Variants in CUX1 observed in about 807,000 individuals in gnomAD.
The protein encoded by CUX1 is protein CASP.
A neutral mutation model predicts 158.8 loss-of-function variants in CUX1; 31 were observed. That is an observed-to-expected ratio of 0.20 (90% CI 0.15 to 0.26). The LOEUF (loss-of-function observed/expected upper bound fraction) is 0.26. Ranked by LOEUF, CUX1 falls within the 10% of genes least tolerant of loss-of-function variation. CUX1 has a pLI of 1.00. For missense variants in CUX1, 1,589 were observed against 2,014.6 expected (o/e 0.79, Z 4.04); for synonymous variants, 879 against 862.1 (o/e 1.02, Z -0.34).
chr7:101,882,963 T>G (rs1799869341), intron 1 of CUX1, among the ~76,000 whole-genome samples: 1 of 152,162 alleles, frequency 6.6e-6, no homozygotes, highest in African/African-American at 2.4e-5. Context: ...TTCTGCGTGT[T>G]CCAGAGAGCT....
At chr7:102,259,457 G>A (rs909279758), downstream of CUX1, among the ~76,000 whole-genome samples, 2 of 152,136 alleles carry the variant, frequency 1.3e-5, no homozygotes, top group African/African-American at 4.8e-5. Context: ...GCATGGTGGC[G>A]GGTGCCTGTA....
rs782154947 is a variant in CUX1 at position 102,202,196 on chromosome 7, G to A, written c.2899G>A (p.Gly967Arg). Residue 967 changes from glycine to arginine, a missense_variant, in exon 18 of 24, where the codon GGG becomes AGG. Physicochemically the swap from Gly to Arg is moderately radical, Grantham distance 125 (BLOSUM62 -2). Coordinates refer to ENST00000292535, the MANE Select transcript of CUX1 (RefSeq NM_181552.4). ...AKNGICQRIF[G>R]EKVLGLSQGS... is the part of the protein sequence containing the mutation. ...GAACGGCATCTGCCAGAGAATCTTC[G>A]GGGAGAAGGTAAGGGATCTGCTCTG... 2.5e-6 allele frequency: 4 copies of A among 1,603,770 alleles called. No homozygotes were observed. Among genetic ancestry groups the A allele is most frequent in the Non-Finnish European group, 3.4e-6 (4 of 1,173,222 alleles).
chr7:102,024,700 A>T (rs1819783276), intron 2 of CUX1, among the ~76,000 whole-genome samples: 1 of 152,064 alleles, frequency 6.6e-6, no homozygotes, highest in Non-Finnish European at 1.5e-5. Flanking sequence ...GCCAGGCCCC[A>T]TGGTCGTTTT....
In CUX1 at chr7:101,984,552, C is replaced by T. The variant is rs142188224; in HGVS notation, c.142-43546C>T. ...TGAGAACCTGCCCTGCACTCTCAGG[C>T]GAGCTGTTGGGTGCAAGTCCTGCAG... On this transcript the variant is annotated intron_variant, in intron 2 of 23. Transcript: ENST00000292535. Among the ~76,000 whole-genome samples, 39 of 150,466 alleles carry T rather than the reference C, an allele frequency of 2.6e-4. No homozygotes were observed. The East Asian group carries it at 5.1e-3, about 20-fold the overall frequency.
intron 21 of CUX1, among the ~76,000 whole-genome samples, chr7:102,230,392 G>A (rs553337072): frequency 1.3e-5 from 2 of 151,698 alleles, no homozygotes; most frequent in African/African-American, 4.8e-5. Flanking sequence ...GGCTGAGGTG[G>A]GAGGATCACT....
chr7:102,203,541 A>G (rs1370943763), intron 18 of CUX1, among the ~76,000 whole-genome samples: 3 of 152,248 alleles, frequency 2.0e-5, no homozygotes, highest in African/African-American at 7.2e-5. Flanking sequence ...TTTCTAGTTC[A>G]GTGTTGTAAA....
rs782089797 is a variant in CUX1, at chr7:102,201,496, G to A, written c.2199G>A (p.Leu733=). Residue 733 remains leucine, a synonymous_variant, in exon 18 of 24, where the codon CTG becomes CTA. Coordinates refer to ENST00000292535, the MANE Select transcript of CUX1 (RefSeq NM_181552.4). This position sits in a 1 kb window ranked among gnomAD's most constrained non-coding sequence, Gnocchi z 5.0. ...ACCCTGCCTTAAAGCAGGCACCACT[G>A]TCCCAGAGTGACATCACCATCCTCA... ...ALDPALKQAP[L]SQSDITILTP... is the part of the protein sequence containing the mutation. 2 of 1,613,998 alleles carry A rather than the reference G, an allele frequency of 1.2e-6. No individual in the cohort carries two copies. The highest frequency in any genetic ancestry group is 1.3e-5 in the African/African-American group (1 of 74,902).
At chr7:102,275,225 G>A in intron 16 of CUX1, 1 of 1,573,362 alleles carries the variant, frequency 6.4e-7, no homozygotes, top group Non-Finnish European at 8.6e-7. Flanking sequence ...CACCCCCCAA[G>A]CCACCCTCCT....
intron 8 of CUX1, among the ~76,000 whole-genome samples, chr7:102,121,296 G>C (rs782212197): frequency 6.6e-6 from 1 of 150,996 alleles, no homozygotes. Flanking sequence ...GCTGCTGGAG[G>C]AGCTGGGATT....
chr7:102,060,357 G>A (rs907699099), intron 3 of CUX1, among the ~76,000 whole-genome samples: 1 of 151,778 alleles, frequency 6.6e-6, no homozygotes, highest in Non-Finnish European at 1.5e-5. Context: ...TGATCACGAC[G>A]GGGAATAACC....
intron 20 of CUX1, among the ~76,000 whole-genome samples, chr7:102,214,503 G>C (rs1554524024): frequency 1.3e-5 from 2 of 152,254 alleles, no homozygotes; most frequent in Non-Finnish European, 2.9e-5. Flanking sequence ...ACTAGGTTTG[G>C]CTGTTGGAAA....
chr7:102,269,755 C>G (rs1791081466), intron 14 of CUX1, among the ~76,000 whole-genome samples: 2 of 152,230 alleles, frequency 1.3e-5, no homozygotes, highest in East Asian at 3.9e-4. Context: ...GCATTTTGGT[C>G]ACAACCATCG....
At chr7:102,052,913 T>C (rs560517083) in intron 3 of CUX1, among the ~76,000 whole-genome samples, 1 of 152,268 alleles carries the variant, frequency 6.6e-6, no homozygotes, top group South Asian at 2.1e-4. Flanking sequence ...GTTCAAGCGA[T>C]TCTCCTGCCT....
chr7:101,998,496 T>C (rs1816257950), intron 2 of CUX1, among the ~76,000 whole-genome samples: 1 of 152,190 alleles, frequency 6.6e-6, no homozygotes, highest in Non-Finnish European at 1.5e-5. Context: ...CAGCCATCGC[T>C]TCTCAGCAGG....
chr7:102,164,478 C>T (rs528332375), intron 9 of CUX1, among the ~76,000 whole-genome samples: 1 of 152,342 alleles, frequency 6.6e-6, no homozygotes, highest in African/African-American at 2.4e-5. Flanking sequence ...TTGAAGTGAG[C>T]TGCCCTCTTC....
At chr7:101,836,501 GCAACAAGGGA>G (rs1318077116) in intron 1 of CUX1, among the ~76,000 whole-genome samples, 1 of 151,656 alleles carries the variant, frequency 6.6e-6, no homozygotes, top group Non-Finnish European at 1.5e-5. Flanking sequence ...TCCTTGCTCA[GCAACAAGGGA>G]CCCCCTTCAC....
At chr7:102,058,854 T>C (rs2130303631) in intron 3 of CUX1, among the ~76,000 whole-genome samples, 1 of 152,312 alleles carries the variant, frequency 6.6e-6, no homozygotes. Context: ...TCTTAAACTT[T>C]TTGGGAGCAG....
At chr7:102,128,901 T>C (rs1832931044) in intron 8 of CUX1, among the ~76,000 whole-genome samples, 1 of 151,526 alleles carries the variant, frequency 6.6e-6, no homozygotes, top group South Asian at 2.1e-4. Context: ...TCACTTGAAC[T>C]GGGGAGGTGG....
At chr7:102,277,905 C>A (rs995166240) in intron 17 of CUX1, 1 of 1,211,152 alleles carries the variant, frequency 8.3e-7, no homozygotes. Flanking sequence ...TGTGCCAGCA[C>A]GGAGGCCTCT....
Sources: gnomAD v4.1 joint callset for allele counts (sites outside exome capture counted in the v4.1 genomes callset) on GRCh38, gnomAD v4.1.1 for gene constraint, Gnocchi (gnomAD v3.1) non-coding constraint, MANE v1.5 for transcripts, NCBI Gene and HGNC (gene_info 2026-07-23, HGNC 2026-07-21) for gene names.